RNF130: variants seen among roughly 807,000 people sequenced by gnomAD.
RNF130 encodes the protein E3 ubiquitin-protein ligase RNF130.
In RNF130, 21 loss-of-function variants were observed where a neutral mutation model predicts 44.6. The ratio of observed to expected loss-of-function variants is 0.47; its 90% CI spans 0.33 to 0.68. RNF130 has a LOEUF of 0.68. RNF130 is among the 30% of genes least tolerant of loss of function. The pLI, the probability that RNF130 is intolerant of heterozygous loss-of-function variation, is 0.02. For missense variants in RNF130, 479 were observed against 560.6 expected, an observed-to-expected ratio of 0.85 and a Z score of 1.47; for synonymous variants, 214 against 210.4, an observed-to-expected ratio of 1.02 and a Z score of -0.15.
chr5:179,926,940 T>C (rs1761716656), intron 7 of RNF130, among the ~76,000 whole-genome samples: 1 of 152,358 alleles, frequency 6.6e-6, no homozygotes, highest in Non-Finnish European at 1.5e-5. Context: ...TTACTTCGTG[T>C]GTGGGGGCCC....
At chr5:179,946,907 G>A (rs2113686513) in intron 7 of RNF130, among the ~76,000 whole-genome samples, 1 of 152,178 alleles carries the variant, frequency 6.6e-6, no homozygotes, top group Non-Finnish European at 1.5e-5. Flanking sequence ...TTTAGCCTCG[G>A]GCTGATCTCA....
intron 7 of RNF130, among the ~76,000 whole-genome samples, chr5:179,937,298 G>GT (rs1761905197): frequency 1.3e-5 from 2 of 152,164 alleles, no homozygotes; most frequent in South Asian, 4.1e-4. Context: ...TGTAAATCAC[G>GT]TATCTGATAA....
chr5:179,913,570 G>T (rs1188668201), exon 8 of RNF130: 2 of 152,288 alleles, frequency 1.3e-5, no homozygotes, highest in Non-Finnish European at 2.9e-5. Context: ...GCCAAGGCGG[G>T]TGGCACCTTC....
intron 2 of RNF130, among the ~76,000 whole-genome samples, chr5:180,017,306 C>T (rs1022203266): frequency 3.9e-5 from 6 of 152,108 alleles, no homozygotes; most frequent in Non-Finnish European, 5.9e-5. Flanking sequence ...AAGTGCAGGC[C>T]GGGTTGTACC....
At chr5:180,038,004 T>G (rs535466444) in intron 2 of RNF130, among the ~76,000 whole-genome samples, 2 of 152,200 alleles carry the variant, frequency 1.3e-5, no homozygotes, top group Non-Finnish European at 2.9e-5. Context: ...CATGGTCAAA[T>G]AGGTTTGGGA....
chr5:179,926,015 G>T (rs1457292060), intron 7 of RNF130, among the ~76,000 whole-genome samples: 1 of 152,184 alleles, frequency 6.6e-6, no homozygotes, highest in Non-Finnish European at 1.5e-5. Flanking sequence ...TTCCATTCTT[G>T]TGATTCTGAT....
intron 4 of RNF130, among the ~76,000 whole-genome samples, chr5:179,979,372 T>C (rs1478236833): frequency 1.3e-5 from 2 of 150,484 alleles, no homozygotes; most frequent in Non-Finnish European, 3.0e-5. Flanking sequence ...ATAAAATGGG[T>C]AAAGTCCAAG....
At chr5:179,970,582 T>A in intron 5 of RNF130, 76 bp from the exon 6 acceptor site, 1 of 1,122,566 alleles carries the variant, frequency 8.9e-7, no homozygotes, top group Non-Finnish European at 1.3e-6. Context: ...AGAAAGGGAA[T>A]TTTTAGTTAA....
chr5:179,970,055 C>T (rs544062619), intron 6 of RNF130, among the ~76,000 whole-genome samples: 3 of 151,994 alleles, frequency 2.0e-5, no homozygotes, highest in South Asian at 2.1e-4. Flanking sequence ...ACTCAGAAGG[C>T]GAGGTGGGAG....
rs904705943 is a variant in RNF130 at position 180,019,201 on chromosome 5, G to A, written c.443-5890C>T. Among the ~76,000 whole-genome samples the A allele has an allele frequency of 4.6e-5, 7 of 151,296 alleles. No homozygotes were observed. In the South Asian group the frequency reaches 8.4e-4, roughly 18 times the overall value. ...AGATCAAAACCATCCTGACTAACACGGTGAAACCCCATCTCTACTAAAAAT... is the reference window on the plus strand; with the variant it reads ...AGATCAAAACCATCCTGACTAACACAGTGAAACCCCATCTCTACTAAAAAT... On this transcript the variant is annotated intron_variant, in intron 2 of 8. Coordinates refer to ENST00000521389, the MANE Select transcript of RNF130 (RefSeq NM_018434.6).
intron 7 of RNF130, among the ~76,000 whole-genome samples, chr5:179,926,828 A>T (rs1472849540): frequency 6.6e-6 from 1 of 152,124 alleles, no homozygotes; most frequent in African/African-American, 2.4e-5. Flanking sequence ...TGTGGGACTG[A>T]GCCCTCACCC....
chr5:179,934,870 T>C (rs1285798059), intron 7 of RNF130, among the ~76,000 whole-genome samples: 1 of 152,148 alleles, frequency 6.6e-6, no homozygotes, highest in Non-Finnish European at 1.5e-5. Context: ...TTTTTTCTAT[T>C]GTATATTTGT....
intron 3 of RNF130, among the ~76,000 whole-genome samples, chr5:179,987,371 A>G (rs948111941): frequency 7.2e-5 from 11 of 152,074 alleles, no homozygotes; most frequent in Non-Finnish European, 2.9e-5. Context: ...GTCTCCCCAC[A>G]TTGCCCAGGC....
At chr5:179,951,486 C>T (rs1193135103), downstream of RNF130, among the ~76,000 whole-genome samples, 1 of 151,924 alleles carries the variant, frequency 6.6e-6, no homozygotes, top group African/African-American at 2.4e-5. Context: ...CGGGTTCACG[C>T]CATTCTCCTG....
At position 179,980,524 on chromosome 5, in the gene RNF130, C is replaced by T. The variant is rs924131177; in HGVS notation, c.694-324G>A. The T allele has an allele frequency of 1.7e-5, 5 of 293,146 alleles. No individual in the cohort carries two copies. The East Asian group carries it at 3.2e-4, about 19-fold the overall frequency. 18.2% of individuals were successfully genotyped at this position (293,146 alleles called of 1,614,324 possible). The stretch of plus-strand genomic sequence containing the variant: ...AACATTTGAAACATCACAGCACTAT[C>T]AAACCTACTTCTTGCACACTCCAGA... On this transcript the variant is annotated intron_variant, in intron 3 of 8. Coordinates refer to ENST00000521389, the MANE Select transcript of RNF130 (RefSeq NM_018434.6).
rs967718761 is a variant in RNF130, at chr5:179,955,271, G to T, written c.*383C>A. 5.6e-6 allele frequency: 1 copy of T among 177,768 alleles called. No individual in the cohort carries two copies. Among genetic ancestry groups the T allele is most frequent in the African/African-American group, 2.3e-5 (1 of 42,658 alleles). 11.0% of individuals were successfully genotyped at this position (177,768 alleles called of 1,614,324 possible). ...GTAAATCAACTGACCATCCTAAGCG[G>T]CATCACCAGCAGGATGTCCCCGCTC... is the stretch of plus-strand genomic sequence containing the variant. On this transcript the variant is annotated 3_prime_UTR_variant, in exon 9 of 9. Transcript: ENST00000521389.
chr5:180,036,629 C>T (rs1188284334), intron 2 of RNF130, among the ~76,000 whole-genome samples: 4 of 152,178 alleles, frequency 2.6e-5, no homozygotes, highest in Non-Finnish European at 4.4e-5. Flanking sequence ...ATGGCTGTTT[C>T]GTCAATTTTG....
chr5:179,971,318 G>T (rs190328), intron 5 of RNF130, among the ~76,000 whole-genome samples: 2 of 152,006 alleles, frequency 1.3e-5, no homozygotes, highest in Admixed American at 1.3e-4. Flanking sequence ...CAGACGTTCA[G>T]GGCAGCTTTG....
chr5:179,912,065 T>C (rs1761474178), exon 8 of RNF130: 1 of 152,192 alleles, frequency 6.6e-6, no homozygotes, highest in Non-Finnish European at 1.5e-5. Context: ...CACATTTAGG[T>C]ATATCCCAAG....
Sources: gnomAD v4.1 joint callset for allele counts (sites outside exome capture counted in the v4.1 genomes callset) on GRCh38, gnomAD v4.1.1 for gene constraint, MANE v1.5 for transcripts, NCBI Gene and HGNC (gene_info 2026-07-23, HGNC 2026-07-21) for gene names.